GRIN2A: variants seen among roughly 807,000 people sequenced by gnomAD.
GRIN2A encodes glutamate ionotropic receptor NMDA type subunit 2A, also known as glutamate receptor ionotropic, NMDA 2A.
Under a neutral mutation model 113.4 loss-of-function variants are expected in GRIN2A, and 22 were observed. The ratio of observed to expected loss-of-function variants is 0.19; its 90% CI spans 0.14 to 0.28. GRIN2A has a LOEUF of 0.28. Among genes scored for constraint, GRIN2A ranks in the 10% least tolerant of loss-of-function variants. GRIN2A has a pLI of 1.00. For synonymous variants in GRIN2A, 827 were observed against 738.4 expected (o/e 1.12, Z -1.94); for missense variants, 1,502 against 1,887.0 (o/e 0.80, Z 3.78).
intron 10 of GRIN2A, among the ~76,000 whole-genome samples, chr16:9,798,820 A>AG (rs368350754): frequency 1.6e-3 from 246 of 152,344 alleles, no homozygotes; most frequent in Middle Eastern, 0.01. Context: ...TAAACCACTA[A>AG]GGGGCAGAAG....
At chr16:10,086,012 C>T (rs1249208950) in intron 2 of GRIN2A, among the ~76,000 whole-genome samples, 1 of 152,132 alleles carries the variant, frequency 6.6e-6, no homozygotes, top group African/African-American at 2.4e-5. Flanking sequence ...GGGGGATGTG[C>T]CTGTGTGCTC....
At chr16:9,821,022 G>A (rs1048771237) in intron 10 of GRIN2A, among the ~76,000 whole-genome samples, 2 of 152,044 alleles carry the variant, frequency 1.3e-5, no homozygotes, top group Admixed American at 6.6e-5. Flanking sequence ...CAAAACTACC[G>A]GGATTTCTAT....
intron 4 of GRIN2A, among the ~76,000 whole-genome samples, chr16:9,882,188 G>C (rs1404580207): frequency 1.3e-5 from 2 of 152,128 alleles, no homozygotes; most frequent in Non-Finnish European, 2.9e-5. Flanking sequence ...ATGGCAAGGA[G>C]AGGGAGCTAA....
intron 12 of GRIN2A, among the ~76,000 whole-genome samples, chr16:9,766,825 G>T (rs1298140068): frequency 6.6e-6 from 1 of 152,182 alleles, no homozygotes; most frequent in Non-Finnish European, 1.5e-5. Context: ...GGGATGGAGA[G>T]GCCAAAGTTC....
In GRIN2A at chr16:9,891,049, T is replaced by G; in HGVS notation, c.1059A>C (p.Glu353Asp). 1 of 1,613,610 alleles carries G rather than the reference T, an allele frequency of 6.2e-7. No individual in the cohort carries two copies. Among genetic ancestry groups the G allele is most frequent in the Non-Finnish European group, 8.5e-7 (1 of 1,179,522 alleles). ...CCAGCCTGGGGTGCACCTGGTAGCCTTCCTCAGTGAAGGATAAGTCTTTGC... is the reference window on the plus strand; with the variant it reads ...CCAGCCTGGGGTGCACCTGGTAGCCGTCCTCAGTGAAGGATAAGTCTTTGC... ...WDGKDLSFTE[E>D]GYQVHPRLVV... Residue 353 changes from glutamate to aspartate, a missense_variant, in exon 4 of 13, where the codon GAA (glutamate) becomes GAC (aspartate). Physicochemically the swap from Glu to Asp is conservative, Grantham distance 45 (BLOSUM62 2). This residue lies in a region of GRIN2A where 334 missense variants were observed against 403.0 expected (regional missense o/e 0.83). Coordinates refer to ENST00000330684, the MANE Select transcript of GRIN2A (RefSeq NM_001134407.3).
intron 10 of GRIN2A, among the ~76,000 whole-genome samples, chr16:9,808,016 C>T (rs76644626): frequency 0.014 from 2,117 of 152,316 alleles, 48 homozygotes; most frequent in African/African-American, 0.048. Context: ...TTGGTTCTTT[C>T]TGGAATGCTA....
At chr16:9,856,173 G>T (rs1447008901) in intron 4 of GRIN2A, among the ~76,000 whole-genome samples, 1 of 152,150 alleles carries the variant, frequency 6.6e-6, no homozygotes, top group East Asian at 1.9e-4. Flanking sequence ...GGAAACCAGG[G>T]CTTAAAAATA....
rs376249614 is a variant in GRIN2A at position 10,174,395 on chromosome 16, T to A, written c.414+5603A>T. ...TACACACCCTCACAGATACAGGGCA[T>A]AAGAAATCATAAAGTTGCCTTGAAA... On this transcript the variant is annotated intron_variant, in intron 2 of 12. Coordinates refer to ENST00000330684, the MANE Select transcript of GRIN2A (RefSeq NM_001134407.3). 5.2e-4 allele frequency among the ~76,000 whole-genome samples: 79 copies of A among 152,290 alleles called. 2 individuals are homozygous for A. In the South Asian group the frequency reaches 0.016, roughly 30 times the overall value.
chr16:9,793,950 AG>A (rs1902790824), intron 11 of GRIN2A, among the ~76,000 whole-genome samples: 1 of 152,290 alleles, frequency 6.6e-6, no homozygotes, highest in African/African-American at 2.4e-5. Context: ...AAGTTCATTG[AG>A]GGTAAGAAGA....
At chr16:9,981,030 T>C (rs1282163192) in intron 2 of GRIN2A, among the ~76,000 whole-genome samples, 1 of 146,456 alleles carries the variant, frequency 6.8e-6, no homozygotes, top group African/African-American at 2.5e-5. Context: ...AATATTATAT[T>C]AGGAAAAAAA....
At chr16:9,809,356 G>A (rs930075119) in intron 10 of GRIN2A, among the ~76,000 whole-genome samples, 33 of 152,116 alleles carry the variant, frequency 2.2e-4, no homozygotes, top group Admixed American at 1.9e-3. Context: ...CTTGAACCTG[G>A]GAGGCAGAGG....
chr16:10,003,553 C>T (rs886857089), intron 2 of GRIN2A, among the ~76,000 whole-genome samples: 4 of 152,180 alleles, frequency 2.6e-5, no homozygotes, highest in Admixed American at 2.6e-4. Flanking sequence ...TGGGAGTATA[C>T]CAAGTAGAGC....
chr16:9,771,367 AT>A (rs1901263161), intron 11 of GRIN2A, among the ~76,000 whole-genome samples: 1 of 151,772 alleles, frequency 6.6e-6, no homozygotes, highest in Non-Finnish European at 1.5e-5. Context: ...TGTTGGTAAT[AT>A]TTAGCTTTAT....
chr16:10,091,386 C>T (rs1483549756), intron 2 of GRIN2A, among the ~76,000 whole-genome samples: 1 of 151,816 alleles, frequency 6.6e-6, no homozygotes, highest in Non-Finnish European at 1.5e-5. Context: ...ATCACTTGAG[C>T]CAGGAGTTTG....
chr16:10,146,984 G>C (rs1291796378), intron 2 of GRIN2A, among the ~76,000 whole-genome samples: 1 of 152,070 alleles, frequency 6.6e-6, no homozygotes, highest in Non-Finnish European at 1.5e-5. Flanking sequence ...CAAAGATCAG[G>C]CATGCTAAAC....
intron 2 of GRIN2A, among the ~76,000 whole-genome samples, chr16:9,986,877 T>C (rs985495603): frequency 6.6e-6 from 1 of 152,154 alleles, no homozygotes; most frequent in Admixed American, 6.5e-5. Flanking sequence ...CACATAGGTA[T>C]TTTCTGTCCT....
intron 2 of GRIN2A, among the ~76,000 whole-genome samples, chr16:10,025,316 T>G (rs1356117945): frequency 9.2e-6 from 1 of 108,516 alleles, no homozygotes; most frequent in Non-Finnish European, 2.2e-5. Flanking sequence ...TTTTTTTTTT[T>G]TTTTGAGATG....
At chr16:10,059,709 C>G (rs2047517125) in intron 2 of GRIN2A, among the ~76,000 whole-genome samples, 1 of 131,758 alleles carries the variant, frequency 7.6e-6, no homozygotes, top group African/African-American at 2.9e-5. Flanking sequence ...TAAAATCACA[C>G]CATCGTGACC....
chr16:10,169,321 C>T (rs2049990460), intron 2 of GRIN2A, among the ~76,000 whole-genome samples: 1 of 152,124 alleles, frequency 6.6e-6, no homozygotes, highest in African/African-American at 2.4e-5. Flanking sequence ...GGAGACATCA[C>T]CAGTTGTACC....
Sources: allele counts gnomAD v4.1 joint callset (sites outside exome capture counted in the v4.1 genomes callset), GRCh38; gene constraint gnomAD v4.1.1; regional missense constraint gnomAD v4.1.1; transcripts MANE v1.5; gene names NCBI Gene and HGNC (gene_info 2026-07-23, HGNC 2026-07-21).